NRXN3: variants seen among roughly 807,000 people sequenced by gnomAD.
NRXN3 encodes neurexin 3, also known as neurexin III.
A neutral mutation model predicts 137.6 loss-of-function variants in NRXN3; 32 were observed. That is an observed-to-expected ratio of 0.23 (90% confidence interval 0.18 to 0.31). The LOEUF is 0.31. NRXN3 is among the 10% of genes least tolerant of loss of function. NRXN3 has a pLI of 1.00. For missense variants in NRXN3, 1,574 were observed against 2,062.5 expected (o/e 0.76, Z 4.59); for synonymous variants, 798 against 784.5 (o/e 1.02, Z -0.29).
rs1242830667 is a variant in NRXN3, at chr14:78,837,635, C to G, written c.2275+27291C>G. On this transcript the variant is annotated intron_variant, in intron 10 of 20. Coordinates refer to ENST00000335750, the MANE Select transcript of NRXN3 (RefSeq NM_001330195.2). ...TTGTTCCCTGCTCCCCACCCCCATG[C>G]CTGTCCCTGCCACTTCTAGAGCAGG... 2.0e-5 allele frequency among the ~76,000 whole-genome samples: 3 copies of G among 152,240 alleles called. No homozygotes were observed. In the East Asian group the frequency reaches 5.8e-4, roughly 29 times the overall value.
At chr14:79,583,787 G>A (rs1777756305) in intron 16 of NRXN3, among the ~76,000 whole-genome samples, 1 of 152,134 alleles carries the variant, frequency 6.6e-6, no homozygotes, top group South Asian at 2.1e-4. Flanking sequence ...CTGAGATTGT[G>A]CAAAATAGAG....
At chr14:78,621,520 T>C (rs1329485848) in intron 4 of NRXN3, among the ~76,000 whole-genome samples, 1 of 152,130 alleles carries the variant, frequency 6.6e-6, no homozygotes, top group Non-Finnish European at 1.5e-5. Context: ...CTTGCAAGAG[T>C]CCCACACACA....
chr14:79,112,291 C>T (rs1233285608), intron 15 of NRXN3, among the ~76,000 whole-genome samples: 2 of 152,170 alleles, frequency 1.3e-5, no homozygotes, highest in Non-Finnish European at 2.9e-5. Flanking sequence ...TTTTATCTTA[C>T]TCGTCACCTT....
At chr14:79,403,389 T>C (rs2095249550) in intron 15 of NRXN3, among the ~76,000 whole-genome samples, 1 of 152,024 alleles carries the variant, frequency 6.6e-6, no homozygotes, top group African/African-American at 2.4e-5. Flanking sequence ...AACAGCAAAG[T>C]TAATCAGCTC....
chr14:79,231,422 A>T (rs1425097663), intron 15 of NRXN3, among the ~76,000 whole-genome samples: 1 of 152,172 alleles, frequency 6.6e-6, no homozygotes, highest in Non-Finnish European at 1.5e-5. Context: ...GCAAACAGAT[A>T]ATTAAGGAAA....
chr14:78,856,293 C>T (rs1023741724), intron 10 of NRXN3, among the ~76,000 whole-genome samples: 1 of 152,162 alleles, frequency 6.6e-6, no homozygotes, highest in Non-Finnish European at 1.5e-5. Context: ...TTCTTTATGA[C>T]ATCAACCTCG....
intron 10 of NRXN3, among the ~76,000 whole-genome samples, chr14:78,853,481 G>T (rs1286982041): frequency 2.8e-4 from 43 of 151,882 alleles, no homozygotes; most frequent in Admixed American, 2.8e-3. Context: ...CATCACCCAG[G>T]TATTAAGCCT....
intron 16 of NRXN3, among the ~76,000 whole-genome samples, chr14:79,524,048 A>T (rs1238192486): frequency 6.6e-6 from 1 of 152,218 alleles, no homozygotes; most frequent in South Asian, 2.1e-4. Flanking sequence ...CATCTAAATA[A>T]TCGGTAATGA....
chr14:79,392,411 G>C (rs1163685332), intron 15 of NRXN3, among the ~76,000 whole-genome samples: 6 of 152,128 alleles, frequency 3.9e-5, no homozygotes, highest in Non-Finnish European at 8.8e-5. Flanking sequence ...ATTTGGGTTT[G>C]TTCCAAGTCT....
rs145378899 is a variant in NRXN3, at chr14:78,826,279, G to T, written c.2275+15935G>T. ...ACATAGGGATACTCAGGGAGCAACT[G>T]TAGACCCCCACAGGCACTCACGACC... On this transcript the variant is annotated intron_variant, in intron 10 of 20. Transcript: ENST00000335750. Among the ~76,000 whole-genome samples the T allele has an allele frequency of 3.0e-3, 456 of 152,218 alleles. 4 individuals carry two copies. Among genetic ancestry groups the T allele is most frequent in the African/African-American group, 0.01 (419 of 41,532 alleles).
chr14:78,803,889 T>TTGGTTTGA (rs2098846996), intron 9 of NRXN3, 66 bp downstream of exon 9: 1 of 1,418,994 alleles, frequency 7.0e-7, no homozygotes, highest in African/African-American at 1.4e-5. Context: ...CTGATTTTCA[T>TTGGTTTGA]TGGTTTGATT....
At chr14:79,307,688 C>T (rs1179796380) in intron 15 of NRXN3, among the ~76,000 whole-genome samples, 2 of 152,116 alleles carry the variant, frequency 1.3e-5, no homozygotes, top group South Asian at 2.1e-4. Context: ...GGCTTTCGTT[C>T]TCCAGCAATG....
intron 4 of NRXN3, among the ~76,000 whole-genome samples, chr14:78,548,139 G>C (rs548895559): frequency 6.6e-6 from 1 of 151,632 alleles, no homozygotes; most frequent in Admixed American, 6.6e-5. Flanking sequence ...AATAGTTGGT[G>C]TAAATATCAG....
chr14:79,585,239 T>G (rs1308159491), intron 16 of NRXN3, among the ~76,000 whole-genome samples: 5 of 152,178 alleles, frequency 3.3e-5, no homozygotes, highest in Non-Finnish European at 1.5e-5. Context: ...GAAAGAAGTT[T>G]AGTAGACTCA....
rs528227203 is a variant in NRXN3 at position 78,512,928 on chromosome 14, G to A, written c.758-132192G>A. On this transcript the variant is annotated intron_variant, in intron 4 of 20. Transcript: ENST00000335750. ...TTGATATAATTTTGCTTTCTGCCCC[G>A]TAGGATCTGAAGCAGTCCTGCCCCA... 2.6e-5 allele frequency among the ~76,000 whole-genome samples: 4 copies of A among 152,276 alleles called. No homozygotes were observed. The South Asian group carries it at 6.2e-4, about 24-fold the overall frequency.
chr14:78,637,470 A>C (rs1473499233), intron 4 of NRXN3, among the ~76,000 whole-genome samples: 1 of 152,206 alleles, frequency 6.6e-6, no homozygotes, highest in African/African-American at 2.4e-5. Flanking sequence ...CTTCTCAACA[A>C]CAATGATAGC....
chr14:79,027,436 G>T (rs1235294092), intron 15 of NRXN3, among the ~76,000 whole-genome samples: 1 of 152,074 alleles, frequency 6.6e-6, no homozygotes, highest in Non-Finnish European at 1.5e-5. Flanking sequence ...GAACAGCTGG[G>T]GGACTGGATG....
At chr14:78,190,614 T>C (rs1245962956) in intron 1 of NRXN3, among the ~76,000 whole-genome samples, 3 of 91,284 alleles carry the variant, frequency 3.3e-5, no homozygotes, top group African/African-American at 4.6e-5. Context: ...CAGTAACATT[T>C]ATTTATTTAT....
At chr14:79,582,563 G>T (rs939695640) in intron 16 of NRXN3, among the ~76,000 whole-genome samples, 1 of 152,020 alleles carries the variant, frequency 6.6e-6, no homozygotes, top group African/African-American at 2.4e-5. Context: ...TGGGACTACA[G>T]GCATGTGCCA....
Sources: gnomAD v4.1 joint callset for allele counts (sites outside exome capture counted in the v4.1 genomes callset) on GRCh38, gnomAD v4.1.1 for gene constraint, MANE v1.5 for transcripts, NCBI Gene and HGNC (gene_info 2026-07-23, HGNC 2026-07-21) for gene names.